The following TBCD variants were observed in gnomAD, a reference collection of about 807,000 sequenced individuals.
TBCD encodes the protein tubulin folding cofactor D.
Under a neutral mutation model 169.3 loss-of-function variants are expected in TBCD, and 105 were observed. That is an observed-to-expected ratio of 0.62 (90% CI 0.53 to 0.73). The LOEUF (loss-of-function observed/expected upper bound fraction) is 0.73. Ranked by LOEUF, TBCD falls within the 30% of genes least tolerant of loss-of-function variation. The pLI is 0.00. For missense variants in TBCD, 1,444 were observed against 1,600.1 expected (o/e 0.90, Z 1.66); for synonymous variants, 700 against 643.9 (o/e 1.09, Z -1.32).
At chr17:82,935,363 T>G (rs2062537049) in intron 34 of TBCD, among the ~76,000 whole-genome samples, 1 of 152,206 alleles carries the variant, frequency 6.6e-6, no homozygotes, top group Non-Finnish European at 1.5e-5. Context: ...GTGTATGGTT[T>G]TGTAAAAATT....
chr17:82,940,213 GCA>G lies in TBCD; in HGVS notation c.3479+739_3479+740del, dbSNP rs767644055. Among the ~76,000 whole-genome samples the G allele has an allele frequency of 9.9e-4, 34 of 34,380 alleles. 1 individual carries two copies. In the South Asian group the frequency reaches 0.03, roughly 30 times the overall value. The allele number at this position is 34,380 out of a possible 152,430, so 22.6% of individuals were successfully genotyped here. On this transcript the variant is annotated intron_variant, in intron 37 of 38. Coordinates refer to ENST00000355528, the MANE Select transcript of TBCD (RefSeq NM_005993.5). ...TGCTGGCTCACACACATGCTCACTT[GCA>G]CGCGCGCACACACACACACACACAC...
chr17:82,757,675 T>C (rs1048451673), intron 2 of TBCD, among the ~76,000 whole-genome samples: 3 of 151,556 alleles, frequency 2.0e-5, no homozygotes, highest in East Asian at 3.9e-4. Context: ...CAAGAATTCA[T>C]TGGGATCAGA....
chr17:82,829,093 A>C lies in TBCD; in HGVS notation c.1318+14159A>C, dbSNP rs574213834. Among the ~76,000 whole-genome samples, 5 of 144,668 alleles carry C rather than the reference A, an allele frequency of 3.5e-5. No homozygotes were observed. The East Asian group carries it at 1.0e-3, about 30-fold the overall frequency. The allele number at this position is 144,668 out of a possible 152,430, so 94.9% of individuals were successfully genotyped here. Reference sequence around the variant, plus strand: ...GATAGCACACACGCACACCCACACAATTGAATGCGCACCCCCCACAGATAT... The same window carrying C: ...GATAGCACACACGCACACCCACACACTTGAATGCGCACCCCCCACAGATAT... On this transcript the variant is annotated intron_variant, in intron 13 of 38. Coordinates refer to ENST00000355528, the MANE Select transcript of TBCD (RefSeq NM_005993.5).
At chr17:82,847,796 T>C (rs1444392286) in intron 13 of TBCD, among the ~76,000 whole-genome samples, 1 of 152,178 alleles carries the variant, frequency 6.6e-6, no homozygotes, top group East Asian at 1.9e-4. Flanking sequence ...TAGTATTTTG[T>C]ATTTTTAGTA....
chr17:82,760,725 A>G (rs1168287281), intron 2 of TBCD, among the ~76,000 whole-genome samples: 1 of 152,210 alleles, frequency 6.6e-6, no homozygotes, highest in Non-Finnish European at 1.5e-5. Context: ...TTGTGTAACT[A>G]TCACTACCAC....
At chr17:82,917,612 C>G (rs2061142630) in intron 23 of TBCD, among the ~76,000 whole-genome samples, 1 of 152,192 alleles carries the variant, frequency 6.6e-6, no homozygotes, top group Admixed American at 6.5e-5. Context: ...GATGTTGGCT[C>G]TTGACGGGAG....
At chr17:82,842,045 C>G (rs1230029750) in intron 13 of TBCD, among the ~76,000 whole-genome samples, 1 of 152,264 alleles carries the variant, frequency 6.6e-6, no homozygotes, top group African/African-American at 2.4e-5. Flanking sequence ...TGTCACCTTT[C>G]TCTGCTGAGG....
Position 82,943,492 on chromosome 17 carries a change from T to A in TBCD, c.*1029T>A, listed in dbSNP as rs1024507043. On this transcript the variant is annotated 3_prime_UTR_variant, in exon 39 of 39. Coordinates refer to ENST00000355528, the MANE Select transcript of TBCD (RefSeq NM_005993.5). ...CTATGTGAGGAGCCCAGGGGTGCCA[T>A]GTGCGTGGTGTAGATTAGGGTGGCT... 9 of 152,170 alleles carry A rather than the reference T, an allele frequency of 5.9e-5. No homozygotes were observed. The highest frequency in any genetic ancestry group is 2.6e-4 in the Admixed American group (4 of 15,278). 9.4% of individuals were successfully genotyped at this position (152,170 alleles called of 1,614,324 possible).
chr17:82,903,585 C>T lies in TBCD; in HGVS notation c.1804+107C>T, dbSNP rs1023153696. On this transcript the variant is annotated intron_variant, in intron 19 of 38. Coordinates refer to ENST00000355528, the MANE Select transcript of TBCD (RefSeq NM_005993.5). This position sits in a 1 kb window ranked among gnomAD's most constrained non-coding sequence, Gnocchi z 4.8. Reference sequence around the variant, plus strand: ...GCTGAAAATAAGGTTGTGCTTCTGTCTTGGTGAGAAGCATCTGAGGAAAGA... The same window carrying T: ...GCTGAAAATAAGGTTGTGCTTCTGTTTTGGTGAGAAGCATCTGAGGAAAGA... 7.6e-6 allele frequency: 9 copies of T among 1,177,142 alleles called. No homozygotes were observed. The African/African-American group carries it at 1.4e-4, about 18-fold the overall frequency. The allele number at this position is 1,177,142 out of a possible 1,614,324, so 72.9% of individuals were successfully genotyped here.
chr17:82,846,207 G>A (rs141488423), intron 13 of TBCD, among the ~76,000 whole-genome samples: 3 of 98,602 alleles, frequency 3.0e-5, no homozygotes, highest in East Asian at 2.9e-4. Flanking sequence ...TGCTGCGTCC[G>A]GCATGCCACG....
chr17:82,873,301 C>T (rs950320501), intron 14 of TBCD, among the ~76,000 whole-genome samples: 5 of 152,160 alleles, frequency 3.3e-5, no homozygotes, highest in East Asian at 1.9e-4. Context: ...CAGGAGGAGT[C>T]GGGCCAGGGT....
chr17:82,906,879 G>C (rs772725703), intron 20 of TBCD, among the ~76,000 whole-genome samples: 1 of 152,242 alleles, frequency 6.6e-6, no homozygotes, highest in African/African-American at 2.4e-5. Flanking sequence ...CCTTTATGGC[G>C]CTGCTCTGTG....
intron 17 of TBCD, among the ~76,000 whole-genome samples, chr17:82,896,453 GTTTTT>G (rs1014108505): frequency 6.2e-4 from 57 of 91,432 alleles, no homozygotes; most frequent in African/African-American, 2.2e-3. Flanking sequence ...TGTGCTGTCA[GTTTTT>G]TTTTTTTTTT....
At chr17:82,900,384 C>T (rs1477372138) in intron 17 of TBCD, among the ~76,000 whole-genome samples, 5 of 152,060 alleles carry the variant, frequency 3.3e-5, no homozygotes, top group African/African-American at 9.7e-5. Flanking sequence ...GGATCAACCA[C>T]GGTTTGTTTT....
chr17:82,800,005 C>G (rs1264127489), intron 8 of TBCD, among the ~76,000 whole-genome samples: 1 of 152,204 alleles, frequency 6.6e-6, no homozygotes, highest in Admixed American at 6.5e-5. Flanking sequence ...CAGGGCACTG[C>G]AGCTCCAGCC....
chr17:82,930,908 G>A lies in TBCD; in HGVS notation c.3113+265G>A, dbSNP rs2062146366. ...CCGTTGTGTGTACAATGGACGTAAA[G>A]GTAGTATGAGTACAAGGTGGTCCCT... On this transcript the variant is annotated intron_variant, in intron 33 of 38. Coordinates refer to ENST00000355528, the MANE Select transcript of TBCD (RefSeq NM_005993.5). This position sits in a 1 kb window ranked among gnomAD's most constrained non-coding sequence, Gnocchi z 5.2. Among the ~76,000 whole-genome samples the A allele has an allele frequency of 2.0e-5, 3 of 152,194 alleles. No homozygotes were observed. The South Asian group carries it at 6.2e-4, about 31-fold the overall frequency.
chr17:82,905,957 T>G lies in TBCD; in HGVS notation c.1826T>G (p.Met609Arg), dbSNP rs372610438. ...ATQVFPRLLS[M>R]TLSPDLHMRH... ...GCAGTCTTCCCGAGGCTGCTGTCCA[T>G]GACACTGAGTCCAGATCTTCACATG... Residue 609 changes from methionine (M) to arginine (R), a missense_variant, in exon 20 of 39, where the codon ATG becomes AGG. Transcript: ENST00000355528. 6.9e-5 allele frequency: 111 copies of G among 1,612,784 alleles called. No individual in the cohort carries two copies. Among genetic ancestry groups the G allele is most frequent in the Middle Eastern group, 1.6e-4 (1 of 6,082 alleles).
intron 10 of TBCD, among the ~76,000 whole-genome samples, chr17:82,807,132 C>T (rs2144783991): frequency 6.6e-6 from 1 of 152,366 alleles, no homozygotes; most frequent in East Asian, 1.9e-4. Flanking sequence ...GCAGGGCCCT[C>T]ACCGTGTGAC....
In TBCD at chr17:82,832,165, G is replaced by T. The variant is rs757935341; in HGVS notation, c.1318+17231G>T. Reference sequence around the variant, plus strand: ...GCTGTGCTGAAGCTTCGAGTCGAAGGCAGAGAGTCCATTTGCGACAGACTT... The same window carrying T: ...GCTGTGCTGAAGCTTCGAGTCGAAGTCAGAGAGTCCATTTGCGACAGACTT... On this transcript the variant is annotated intron_variant, in intron 13 of 38. Transcript: ENST00000355528. This position sits in a 1 kb window ranked among gnomAD's most constrained non-coding sequence, Gnocchi z 4.9. 5.3e-5 allele frequency: 86 copies of T among 1,614,264 alleles called. No homozygotes were observed. In the Middle Eastern group the frequency reaches 8.2e-4, roughly 15 times the overall value.
Sources: gnomAD v4.1 joint callset for allele counts (sites outside exome capture counted in the v4.1 genomes callset) on GRCh38, gnomAD v4.1.1 for gene constraint, Gnocchi (gnomAD v3.1) non-coding constraint, MANE v1.5 for transcripts, NCBI Gene and HGNC (gene_info 2026-07-23, HGNC 2026-07-21) for gene names.